The following SSUH2 variants were observed in gnomAD, a reference collection of about 807,000 sequenced individuals.
The protein encoded by SSUH2 is protein SSUH2 homolog.
SSUH2 carries 47 observed loss-of-function variants against 55.3 expected under a neutral mutation model. That is an observed-to-expected ratio of 0.85 (90% CI 0.67 to 1.08). SSUH2 has a LOEUF of 1.08. Among genes scored for constraint, SSUH2 ranks in the 50% least tolerant of loss-of-function variants. SSUH2 has a pLI of 0.00. For synonymous variants in SSUH2, 212 were observed against 191.5 expected (o/e 1.11, Z -0.89); for missense variants, 535 against 490.7 (o/e 1.09, Z -0.85).
In SSUH2 at chr3:8,623,651, G is replaced by A. The variant is rs1696917130; in HGVS notation, c.879C>T (p.Tyr293=). Residue 293 remains tyrosine (Y), a synonymous_variant, in exon 11 of 12, where the codon TAC becomes TAT. Coordinates refer to ENST00000544814, the MANE Select transcript of SSUH2 (RefSeq NM_001256748.3). ...CTCGCAGAGGGAAGTCCACGATGGG[G>A]TACACCTGGGGGAAAGAGAGAGAGA... The part of the protein sequence containing the change: ...NLFKDENSVV[Y]PIVDFPLRDI... 9 of 1,508,670 alleles carry A rather than the reference G, an allele frequency of 6.0e-6. No homozygotes were observed. The South Asian group carries it at 8.6e-5, about 14-fold the overall frequency. 93.5% of individuals were successfully genotyped at this position (1,508,670 alleles called of 1,614,324 possible). A position where few individuals can be genotyped will look rare whatever the true frequency, so the allele number is the denominator to read the frequency against.
chr3:8,654,634 A>G (rs1702748702), intron 7 of SSUH2, among the ~76,000 whole-genome samples: 1 of 152,210 alleles, frequency 6.6e-6, no homozygotes, highest in South Asian at 2.1e-4. Flanking sequence ...CCGGAGCTCC[A>G]GGGAAAATAT....
chr3:8,633,230 G>A (rs1049459696), intron 4 of SSUH2, among the ~76,000 whole-genome samples: 42 of 144,398 alleles, frequency 2.9e-4, no homozygotes, highest in Middle Eastern at 7.4e-3. Context: ...CACAACCTCC[G>A]CCTCCCAGTT....
At position 8,679,243 on chromosome 3, in the gene SSUH2, G is replaced by A. The variant is rs561072704; in HGVS notation, c.-901+462C>T. Among the ~76,000 whole-genome samples the A allele has an allele frequency of 2.2e-3, 185 of 84,572 alleles. 29 individuals are homozygous for A. Among genetic ancestry groups the A allele is most frequent in the Admixed American group, 3.2e-3 (25 of 7,908 alleles). 55.5% of individuals were successfully genotyped at this position (84,572 alleles called of 152,430 possible). ...CACCCTCCGTGAGCGGGGACTGAGAGCCAGCCAATTTTCCCCCTGGCTTTT... is the reference window on the plus strand; with the variant it reads ...CACCCTCCGTGAGCGGGGACTGAGAACCAGCCAATTTTCCCCCTGGCTTTT... On this transcript the variant is annotated intron_variant, in intron 2 of 18. Transcript: ENST00000317371.
rs745455930 is a variant in SSUH2 at position 8,619,879 on chromosome 3, T to C, written c.1117A>G (p.Thr373Ala). Residue 373 changes from threonine (T) to alanine (A), a missense_variant, in exon 12 of 12, where the codon ACC (threonine) becomes GCC (alanine). By Grantham distance (58) the Thr-to-Ala change is moderately conservative. Transcript: ENST00000544814. ...DYPERYCCGC[T>A]IV ...ACAGCCATGCTATGTCACACGATGG[T>C]ACAGCCACAGCAATACCGCTCAGGA... The C allele has an allele frequency of 1.9e-6, 3 of 1,613,720 alleles. No homozygotes were observed. The highest frequency in any genetic ancestry group is 2.5e-6 in the Non-Finnish European group (3 of 1,179,874).
intron 7 of SSUH2, among the ~76,000 whole-genome samples, chr3:8,653,630 C>T (rs1053759559): frequency 2.0e-5 from 3 of 152,114 alleles, no homozygotes; most frequent in Non-Finnish European, 2.9e-5. Flanking sequence ...GGGCTGAATA[C>T]GAATAACATA....
chr3:8,645,869 C>T (rs1701617839), upstream of SSUH2, among the ~76,000 whole-genome samples: 1 of 152,192 alleles, frequency 6.6e-6, no homozygotes, highest in Non-Finnish European at 1.5e-5. Context: ...CACTGACTGC[C>T]CATCGCCGAC....
intron 3 of SSUH2, chr3:8,634,393 C>T (rs1246422759): frequency 7.7e-7 from 1 of 1,291,460 alleles, no homozygotes; most frequent in African/African-American, 1.5e-5. Flanking sequence ...ATGCCACCCC[C>T]TTACTGAAGT....
intron 3 of SSUH2, among the ~76,000 whole-genome samples, chr3:8,674,613 T>G (rs62244231): frequency 6.6e-6 from 1 of 152,140 alleles, no homozygotes; most frequent in African/African-American, 2.4e-5. Context: ...GCCTCGGACT[T>G]GTACTGTAGG....
At chr3:8,669,345 T>C (rs1488430270) in intron 5 of SSUH2, among the ~76,000 whole-genome samples, 1 of 152,036 alleles carries the variant, frequency 6.6e-6, no homozygotes, top group Non-Finnish European at 1.5e-5. Context: ...CATAAAAAAG[T>C]GATTGAATAA....
intron 6 of SSUH2, among the ~76,000 whole-genome samples, chr3:8,630,324 T>C (rs1698505732): frequency 6.6e-6 from 1 of 152,190 alleles, no homozygotes; most frequent in African/African-American, 2.4e-5. Context: ...CAGTCGTGTT[T>C]TTGTAATCCA....
chr3:8,622,118 G>A lies in SSUH2; in HGVS notation c.981+1431C>T, dbSNP rs112946777. Among the ~76,000 whole-genome samples the A allele has an allele frequency of 2.6e-3, 393 of 152,284 alleles. 3 individuals carry two copies. The highest frequency in any genetic ancestry group is 4.4e-3 in the South Asian group (21 of 4,816). ...CTCAGAGTCATGGCCATGGCTGGGA[G>A]ATGGAATTTAGCCAGCTATGTCCTC... On this transcript the variant is annotated intron_variant, in intron 11 of 11. Transcript: ENST00000544814.
chr3:8,679,565 C>CCA (rs1705810578), intron 2 of SSUH2: 1 of 156,012 alleles, frequency 6.4e-6, no homozygotes, highest in Non-Finnish European at 1.4e-5. Flanking sequence ...TGAGAGCCAG[C>CCA]CTCTCTTCCC....
intron 7 of SSUH2, chr3:8,652,003 G>A (rs1255643027): frequency 2.0e-5 from 3 of 152,436 alleles, no homozygotes; most frequent in African/African-American, 7.2e-5. Context: ...TCCATCCGGG[G>A]GTCTCTGACT....
chr3:8,678,673 G>A (rs11719405), intron 2 of SSUH2, among the ~76,000 whole-genome samples: 7,833 of 54,006 alleles, frequency 0.15, 2,715 homozygotes, highest in South Asian at 0.46. Context: ...CCGCGAGGCG[G>A]GGATTGAGAG....
At chr3:8,644,565 A>G (rs1453301103) in intron 1 of SSUH2, among the ~76,000 whole-genome samples, 166 bp downstream of exon 1, 1 of 152,210 alleles carries the variant, frequency 6.6e-6, no homozygotes. Context: ...CCAGGACTGC[A>G]TTTAGGGCAG....
intron 5 of SSUH2, among the ~76,000 whole-genome samples, chr3:8,670,357 T>C (rs918835967): frequency 3.3e-5 from 5 of 151,994 alleles, no homozygotes; most frequent in African/African-American, 1.2e-4. Flanking sequence ...CCTAGGATAT[T>C]ATGAATAATA....
At chr3:8,670,577 T>TC (rs1704454324) in intron 5 of SSUH2, among the ~76,000 whole-genome samples, 1 of 151,728 alleles carries the variant, frequency 6.6e-6, no homozygotes. Flanking sequence ...AAAAATAACA[T>TC]CCCCCTTGGA....
intron 5 of SSUH2, among the ~76,000 whole-genome samples, chr3:8,668,241 T>C (rs1262914465): frequency 6.6e-6 from 1 of 152,182 alleles, no homozygotes; most frequent in Non-Finnish European, 1.5e-5. Context: ...GAAATGAACC[T>C]GAGTATTCTA....
intron 3 of SSUH2, chr3:8,634,561 G>C (rs1433349614): frequency 7.8e-7 from 1 of 1,289,860 alleles, no homozygotes; most frequent in Admixed American, 2.3e-5. Context: ...GGGCCCGTCT[G>C]TCTTCAGATC....
Sources: allele counts gnomAD v4.1 joint callset (sites outside exome capture counted in the v4.1 genomes callset), GRCh38; gene constraint gnomAD v4.1.1; transcripts MANE v1.5; gene names NCBI Gene and HGNC (gene_info 2026-07-23, HGNC 2026-07-21).